Variants in GRM7 observed in about 807,000 individuals in gnomAD.
The protein encoded by GRM7 is metabotropic glutamate receptor 7.
GRM7 carries 35 observed loss-of-function variants against 84.5 expected under a neutral mutation model. That is an observed-to-expected ratio of 0.41 (90% CI 0.32 to 0.55). The LOEUF is 0.55. Ranked by LOEUF, GRM7 falls within the 20% of genes least tolerant of loss-of-function variation. GRM7 has a pLI of 0.19. For synonymous variants in GRM7, 487 were observed against 455.1 expected, an observed-to-expected ratio of 1.07 and a Z score of -0.89; for missense variants, 1,003 against 1,194.6, an observed-to-expected ratio of 0.84 and a Z score of 2.36.
chr3:7,422,246 A>G (rs1258816689), intron 5 of GRM7, among the ~76,000 whole-genome samples: 1 of 152,208 alleles, frequency 6.6e-6, no homozygotes, highest in Non-Finnish European at 1.5e-5. Context: ...CTCTGTTCCC[A>G]TAACACAAGG....
At chr3:7,680,360 T>C in intron 9 of GRM7, 65 bp downstream of exon 9, 2 of 1,533,786 alleles carry the variant, frequency 1.3e-6, no homozygotes, top group South Asian at 2.3e-5. Context: ...AGATGTGGGG[T>C]GTGCTTGCCT....
At chr3:7,176,647 G>A (rs1458746126) in intron 2 of GRM7, among the ~76,000 whole-genome samples, 1 of 152,128 alleles carries the variant, frequency 6.6e-6, no homozygotes, top group East Asian at 1.9e-4. Flanking sequence ...TACCCTTCCA[G>A]GCACCCATAC....
chr3:6,945,360 G>C (rs1414323042), intron 1 of GRM7, among the ~76,000 whole-genome samples: 1 of 151,946 alleles, frequency 6.6e-6, no homozygotes, highest in Admixed American at 6.6e-5. Context: ...ATGGTTTCCA[G>C]CTTCATTCAT....
chr3:7,203,669 A>G (rs574679371), intron 2 of GRM7, among the ~76,000 whole-genome samples: 4 of 152,204 alleles, frequency 2.6e-5, no homozygotes, highest in African/African-American at 4.8e-5. Context: ...AGAAATCTGC[A>G]TACTGTTTTC....
chr3:7,066,184 C>T (rs1190136027), intron 1 of GRM7, among the ~76,000 whole-genome samples: 1 of 151,388 alleles, frequency 6.6e-6, no homozygotes, highest in Non-Finnish European at 1.5e-5. Flanking sequence ...CAGAGCAGAA[C>T]TAAATGAAAT....
At chr3:7,425,240 A>T (rs891095053) in intron 5 of GRM7, among the ~76,000 whole-genome samples, 2 of 152,188 alleles carry the variant, frequency 1.3e-5, no homozygotes, top group African/African-American at 4.8e-5. Context: ...TGGAGAAGTG[A>T]GCTGACCTTG....
intron 7 of GRM7, among the ~76,000 whole-genome samples, chr3:7,481,231 A>T (rs565353816): frequency 1.3e-5 from 2 of 152,206 alleles, no homozygotes; most frequent in Non-Finnish European, 2.9e-5. Context: ...GGCATGCGCC[A>T]CCATGCTTGA....
chr3:7,224,389 G>A (rs1362841650), intron 2 of GRM7, among the ~76,000 whole-genome samples: 1 of 152,116 alleles, frequency 6.6e-6, no homozygotes, highest in African/African-American at 2.4e-5. Context: ...ATGAGAAACC[G>A]CCCCCAGGAT....
Position 7,461,730 on chromosome 3 carries a change from C to T in GRM7, c.1515+8C>T. On this transcript the variant is annotated splice_region_variant and intron_variant, in intron 7 of 9. Coordinates refer to ENST00000357716, the MANE Select transcript of GRM7 (RefSeq NM_000844.4). ...GACGAACTTCAGCTCAATGTGAGTT[C>T]TGCTTGCTTCTCTTCTTCCCTTGTT... The T allele has an allele frequency of 6.2e-7, 1 of 1,612,452 alleles. No individual in the cohort carries two copies. The highest frequency in any genetic ancestry group is 8.5e-7 in the Non-Finnish European group (1 of 1,178,618).
intron 2 of GRM7, among the ~76,000 whole-genome samples, chr3:7,218,506 G>A (rs1289167391): frequency 6.6e-6 from 1 of 151,862 alleles, no homozygotes; most frequent in Non-Finnish European, 1.5e-5. Context: ...TTATTGTGGG[G>A]TGGGAATAGA....
intron 4 of GRM7, among the ~76,000 whole-genome samples, chr3:7,314,376 A>G (rs1700509202): frequency 6.6e-6 from 1 of 150,654 alleles, no homozygotes; most frequent in East Asian, 2.0e-4. Context: ...GCATCTCTAT[A>G]TATTGCAAAG....
At position 7,202,840 on chromosome 3, in the gene GRM7, C is replaced by T. The variant is rs1222863623; in HGVS notation, c.736+56172C>T. 4.6e-5 allele frequency among the ~76,000 whole-genome samples: 7 copies of T among 152,292 alleles called. No homozygotes were observed. The East Asian group carries it at 1.4e-3, about 29-fold the overall frequency. ...GCCTCTACATTTACCTCTACTTTCA[C>T]AATCTGGACTTTGAGCTACAATTGT... On this transcript the variant is annotated intron_variant, in intron 2 of 9. Transcript: ENST00000357716.
rs371522491 is a variant in GRM7 at position 7,543,100 on chromosome 3, A to G, written c.1516-35322A>G. ...CAAATGAATGAATGAATAAGCCAGA[A>G]GCAATTATGGTGTGTCCTATCTGAA... is the stretch of plus-strand genomic sequence containing the variant. On this transcript the variant is annotated intron_variant, in intron 7 of 9. Coordinates refer to ENST00000357716, the MANE Select transcript of GRM7 (RefSeq NM_000844.4). 7.8e-4 allele frequency among the ~76,000 whole-genome samples: 119 copies of G among 152,332 alleles called. 3 individuals carry two copies. The South Asian group carries it at 0.02, about 26-fold the overall frequency.
intron 8 of GRM7, among the ~76,000 whole-genome samples, chr3:7,623,023 T>C (rs1184386524): frequency 5.9e-5 from 9 of 152,138 alleles, no homozygotes; most frequent in Non-Finnish European, 1.3e-4. Context: ...CCAAATGCCA[T>C]GTGGCAGTCT....
chr3:7,136,891 G>T (rs1693791148), intron 1 of GRM7, among the ~76,000 whole-genome samples: 1 of 152,086 alleles, frequency 6.6e-6, no homozygotes, highest in Non-Finnish European at 1.5e-5. Flanking sequence ...ACAGATAATT[G>T]TTTAATTAGA....
At chr3:7,664,184 A>G (rs921364407) in intron 8 of GRM7, among the ~76,000 whole-genome samples, 7 of 152,160 alleles carry the variant, frequency 4.6e-5, no homozygotes, top group African/African-American at 7.2e-5. Flanking sequence ...CCTCTTTCCT[A>G]TGGAGTTCAG....
intron 4 of GRM7, among the ~76,000 whole-genome samples, chr3:7,343,880 G>A (rs1033462912): frequency 7.9e-5 from 12 of 151,942 alleles, no homozygotes; most frequent in African/African-American, 2.7e-4. Flanking sequence ...TATTTCTTCT[G>A]AGCCCTTCAG....
intron 2 of GRM7, among the ~76,000 whole-genome samples, chr3:7,266,653 G>A (rs1575100812): frequency 6.6e-6 from 1 of 152,024 alleles, no homozygotes; most frequent in Non-Finnish European, 1.5e-5. Flanking sequence ...ACTCGGCAAA[G>A]CATTCAGCTC....
chr3:7,047,836 C>T (rs1383416057), intron 1 of GRM7, among the ~76,000 whole-genome samples: 1 of 151,946 alleles, frequency 6.6e-6, no homozygotes, highest in Non-Finnish European at 1.5e-5. Flanking sequence ...TTATTGATTC[C>T]AAGAATGGTT....
Sources: allele counts gnomAD v4.1 joint callset (sites outside exome capture counted in the v4.1 genomes callset), GRCh38; gene constraint gnomAD v4.1.1; transcripts MANE v1.5; gene names NCBI Gene and HGNC (gene_info 2026-07-23, HGNC 2026-07-21).